THOC6: variants seen among roughly 807,000 people sequenced by gnomAD.
The protein encoded by THOC6 is THO complex 6.
A neutral mutation model predicts 55.8 loss-of-function variants in THOC6; 39 were observed. That is an observed-to-expected ratio of 0.70 (90% CI 0.54 to 0.91). The LOEUF is 0.91. Among genes scored for constraint, THOC6 ranks in the 40% least tolerant of loss-of-function variants. The pLI, the probability that THOC6 is intolerant of heterozygous loss-of-function variation, is 0.00. For missense variants in THOC6, 482 were observed against 442.0 expected (o/e 1.09, Z -0.81); for synonymous variants, 192 against 175.6 (o/e 1.09, Z -0.74).
Position 3,024,372 on chromosome 16 carries a change from C to G in THOC6, c.39+7C>G, listed in dbSNP as rs757114899. The G allele has an allele frequency of 6.2e-7, 1 of 1,614,076 alleles. No homozygotes were observed. The highest frequency in any genetic ancestry group is 8.5e-7 in the Non-Finnish European group (1 of 1,179,980). ...CGCGGTGCCTCTGGGTCAGGTGAGA[C>G]GGACGTGGTGCGCGTTGCCTTCTGG... On this transcript the variant is annotated splice_region_variant and intron_variant, in intron 1 of 12. Transcript: ENST00000326266.
chr16:3,027,272 C>G lies in THOC6; in HGVS notation c.802C>G (p.Gln268Glu), dbSNP rs1175520106. 6.2e-7 allele frequency: 1 copy of G among 1,614,116 alleles called. No homozygotes were observed. The highest frequency in any genetic ancestry group is 1.3e-5 in the African/African-American group (1 of 74,964). The change falls in exon 11 of 13, where the codon CAG becomes GAG. Residue 268 changes from glutamine (Q) to glutamate (E), a missense_variant. Transcript: ENST00000326266. ...RAPQKHVTFYQDLILSAGQGR... is the reference protein window; with the variant it reads ...RAPQKHVTFYEDLILSAGQGR... Reference sequence around the variant, plus strand: ...GCCACAGAAGCACGTCACCTTCTACCAGGACCTGGTGAGGCCCTGTGTCTC... The same window carrying G: ...GCCACAGAAGCACGTCACCTTCTACGAGGACCTGGTGAGGCCCTGTGTCTC...
Position 3,026,882 on chromosome 16 carries a change from AG to A in THOC6, c.604del (p.Glu202ArgfsTer69). ...AVRLWDLRTA[K>X]EVQTIEVYKH... ...TTCCCCGCAGACCTGCGCACAGCCAAGGAGGTCCAGACGATCGAGGTCTATA... is the reference window on the plus strand; with the variant it reads ...TTCCCCGCAGACCTGCGCACAGCCAAGAGGTCCAGACGATCGAGGTCTATA... On this transcript the variant is annotated frameshift_variant, in exon 9 of 13. Coordinates refer to ENST00000326266, the MANE Select transcript of THOC6 (RefSeq NM_024339.5). LOFTEE classifies it high-confidence loss of function. The A allele has an allele frequency of 6.2e-7, 1 of 1,614,186 alleles. No individual in the cohort carries two copies. Among genetic ancestry groups the A allele is most frequent in the South Asian group, 1.1e-5 (1 of 91,084 alleles).
chr16:3,026,923 G>A lies in THOC6; in HGVS notation c.636+7G>A, dbSNP rs1266578907. The A allele has an allele frequency of 6.2e-7, 1 of 1,614,190 alleles. No homozygotes were observed. The highest frequency in any genetic ancestry group is 8.5e-7 in the Non-Finnish European group (1 of 1,180,030). On this transcript the variant is annotated splice_region_variant and intron_variant, in intron 9 of 12. Coordinates refer to ENST00000326266, the MANE Select transcript of THOC6 (RefSeq NM_024339.5). ...CGAGGTCTATAAGCACGAGGTGAGG[G>A]TGTGACCGTGGCCATTGTCCTCTTC...
intron 1 of THOC6, among the ~76,000 whole-genome samples, chr16:3,024,637 CTT>C (rs34833478): frequency 2.4e-5 from 3 of 126,062 alleles, no homozygotes; most frequent in Admixed American, 8.3e-5. Flanking sequence ...TTGCAAAGCA[CTT>C]TTTTTTTTTT....
In THOC6 at chr16:3,027,625, C is replaced by G. The variant is rs373096513; in HGVS notation, c.994C>G (p.Leu332Val). Residue 332 changes from leucine to valine, a missense_variant, in exon 13 of 13, where the codon CTG becomes GTG. Leu to Val is a conservative substitution (Grantham distance 32). Coordinates refer to ENST00000326266, the MANE Select transcript of THOC6 (RefSeq NM_024339.5). ...CTGCCGGGTGGATGTCTTCACCAAC[C>G]TGGGTTACCGAGCCTTCTCCCTGTC... is the stretch of plus-strand genomic sequence containing the variant. The part of the protein sequence containing the change: ...NSCRVDVFTN[L>V]GYRAFSLSF 4.3e-6 allele frequency: 7 copies of G among 1,614,220 alleles called. No homozygotes were observed. In the East Asian group the frequency reaches 1.3e-4, roughly 31 times the overall value.
chr16:3,024,497 G>C, intron 1 of THOC6, 132 bp downstream of exon 1: 2 of 1,137,078 alleles, frequency 1.8e-6, no homozygotes, highest in Non-Finnish European at 1.3e-6. Context: ...TCTGACCAGG[G>C]GGGCGGGATA....
Position 3,025,936 on chromosome 16 carries a change from T to C in THOC6, c.168T>C (p.Ala56=), listed in dbSNP as rs1445221735. The C allele has an allele frequency of 1.2e-6, 2 of 1,614,222 alleles. No homozygotes were observed. The highest frequency in any genetic ancestry group is 4.5e-5 in the East Asian group (2 of 44,894). Residue 56 remains alanine, a synonymous_variant, in exon 3 of 13, where the codon GCT becomes GCC. Coordinates refer to ENST00000326266, the MANE Select transcript of THOC6 (RefSeq NM_024339.5). ...GQIAIFSLSS[A]LSSEAKEESK... ...GCTGTCCCTGCAGCTTGTCCTCTGC[T>C]TTGAGCTCAGAAGCCAAAGAGGAAA... is the stretch of plus-strand genomic sequence containing the variant.
intron 3 of THOC6, 21 bp from the exon 4 acceptor site, chr16:3,026,042 C>G: frequency 4.3e-6 from 7 of 1,614,008 alleles, no homozygotes; most frequent in Non-Finnish European, 5.9e-6. Context: ...TTGGCTCACT[C>G]AGTTCTGCAT....
chr16:3,027,214 C>T lies in THOC6; in HGVS notation c.744C>T (p.Ser248=). The change falls in exon 11 of 13, where the codon TCC becomes TCT. Residue 248 remains serine (S), a synonymous_variant. Coordinates refer to ENST00000326266, the MANE Select transcript of THOC6 (RefSeq NM_024339.5). ...CCCTCACCCTCTGGCACCTCCGATCCTCCACACCCACCACCATCTTCCCCA... is the reference window on the plus strand; with the variant it reads ...CCCTCACCCTCTGGCACCTCCGATCTTCCACACCCACCACCATCTTCCCCA... The part of the protein sequence containing the change: ...GPALTLWHLR[S]STPTTIFPIR... 1 of 1,614,194 alleles carries T rather than the reference C, an allele frequency of 6.2e-7. No individual in the cohort carries two copies. The highest frequency in any genetic ancestry group is 8.5e-7 in the Non-Finnish European group (1 of 1,180,038).
In THOC6 at chr16:3,027,462, C is replaced by G; in HGVS notation, c.907C>G (p.Leu303Val). The change falls in exon 12 of 13, where the codon CTC becomes GTC. Residue 303 changes from leucine to valine, a missense_variant. Transcript: ENST00000326266. ...VPGSSPGLLSLSLNQQPAAPE... is the reference protein window; with the variant it reads ...VPGSSPGLLSVSLNQQPAAPE... Reference sequence around the variant, plus strand: ...TGGCTCCTCCCCAGGGCTGCTCAGCCTCAGCCTCAACCAGCAGCCTGCCGC... The same window carrying G: ...TGGCTCCTCCCCAGGGCTGCTCAGCGTCAGCCTCAACCAGCAGCCTGCCGC... The G allele has an allele frequency of 6.2e-7, 1 of 1,610,890 alleles. No homozygotes were observed. The highest frequency in any genetic ancestry group is 8.5e-7 in the Non-Finnish European group (1 of 1,178,620).
chr16:3,026,230 C>G lies in THOC6; in HGVS notation c.325-21C>G, dbSNP rs1165803707. 2.5e-6 allele frequency: 4 copies of G among 1,614,104 alleles called. No homozygotes were observed. The East Asian group carries it at 8.9e-5, about 36-fold the overall frequency. On this transcript the variant is annotated intron_variant, in intron 4 of 12. Coordinates refer to ENST00000326266, the MANE Select transcript of THOC6 (RefSeq NM_024339.5). ...ACCCAGAGAGAGCCTTTGAGGTCAC[C>G]TGGTATTTTCTCTTTTGAAGGGCTG... is the stretch of plus-strand genomic sequence containing the variant.
chr16:3,027,609 G>A lies in THOC6; in HGVS notation c.978G>A (p.Val326=), dbSNP rs1443892590. The change falls in exon 13 of 13, where the codon GTG becomes GTA. Residue 326 remains valine, a synonymous_variant. Transcript: ENST00000326266. ...CAGCTGCAGGCAACAGCTGCCGGGT[G>A]GATGTCTTCACCAACCTGGGTTACC... ...VLTAAGNSCR[V]DVFTNLGYRA... The A allele has an allele frequency of 6.2e-7, 1 of 1,614,156 alleles. No individual in the cohort carries two copies. The highest frequency in any genetic ancestry group is 1.1e-5 in the South Asian group (1 of 91,088).
rs1009988160 is a variant in THOC6 at position 3,024,330 on chromosome 16, G to T, written c.4G>T (p.Glu2Ter). The T allele has an allele frequency of 2.5e-6, 4 of 1,614,138 alleles. No homozygotes were observed. The highest frequency in any genetic ancestry group is 3.4e-6 in the Non-Finnish European group (4 of 1,180,006). The part of the protein sequence containing the change: M[E>*]RAVPLAVPLG... ...TCTGGGACTTGTAGTTCTGGAGATG[G>T]AGCGAGCTGTGCCGCTCGCGGTGCC... Residue 2 changes from glutamate (E) to a stop codon, truncating the protein, a stop_gained, in exon 1 of 13, where the codon GAG becomes TAG. Coordinates refer to ENST00000326266, the MANE Select transcript of THOC6 (RefSeq NM_024339.5). LOFTEE classifies it high-confidence loss of function.
At position 3,027,508 on chromosome 16, in the gene THOC6, C is replaced by T. The variant is rs769875471; in HGVS notation, c.945+8C>T. On this transcript the variant is annotated splice_region_variant and intron_variant, in intron 12 of 12. Transcript: ENST00000326266. The stretch of plus-strand genomic sequence containing the variant: ...GCCGCGCCTGAGTGCAAGGTGGGTC[C>T]GGCAGGGGCCGCGGAGCGGCTGGGA... The T allele has an allele frequency of 1.9e-5, 30 of 1,611,248 alleles. No homozygotes were observed. Among genetic ancestry groups the T allele is most frequent in the Admixed American group, 1.8e-4 (11 of 59,796 alleles).
At position 3,027,661 on chromosome 16, in the gene THOC6, C is replaced by G. The variant is rs2072836358; in HGVS notation, c.*4C>G. 6.2e-7 allele frequency: 1 copy of G among 1,613,814 alleles called. No homozygotes were observed. The highest frequency in any genetic ancestry group is 2.2e-5 in the East Asian group (1 of 44,888). Reference sequence around the variant, plus strand: ...AGCCTTCTCCCTGTCCTTCTGATCTCTGACGACACCCCCAGCCAGCTCAGG... The same window carrying G: ...AGCCTTCTCCCTGTCCTTCTGATCTGTGACGACACCCCCAGCCAGCTCAGG... On this transcript the variant is annotated 3_prime_UTR_variant, in exon 13 of 13. Transcript: ENST00000326266.
At chr16:3,026,838 G>T (rs1280303684) in intron 8 of THOC6, 29 bp from the exon 9 acceptor site, 1 of 1,614,016 alleles carries the variant, frequency 6.2e-7, no homozygotes, top group Non-Finnish European at 8.5e-7. Flanking sequence ...GAGGCAAGTG[G>T]GGCACCACTC....
chr16:3,026,945 C>T, intron 9 of THOC6, 29 bp downstream of exon 9: 1 of 1,614,192 alleles, frequency 6.2e-7, no homozygotes. Context: ...CCATTGTCCT[C>T]TTCTCCCCCA....
rs553787974 is a variant in THOC6 at position 3,024,058 on chromosome 16, C to G, written c.-269C>G. ...GCACAGCCGCGAGGTTCTGCGCGGG[C>G]GCGGAAGACGGGCGGCGCGTGGCGG... is the stretch of plus-strand genomic sequence containing the variant. On this transcript the variant is annotated 5_prime_UTR_variant, in exon 1 of 13. Coordinates refer to ENST00000326266, the MANE Select transcript of THOC6 (RefSeq NM_024339.5). 4 of 884,854 alleles carry G rather than the reference C, an allele frequency of 4.5e-6. No individual in the cohort carries two copies. The highest frequency in any genetic ancestry group is 5.1e-6 in the Non-Finnish European group (3 of 591,332). 54.8% of individuals were successfully genotyped at this position (884,854 alleles called of 1,614,324 possible).
rs56382043 is a variant in THOC6 at position 3,027,709 on chromosome 16, CTTT to C, written c.*67_*69del. On this transcript the variant is annotated 3_prime_UTR_variant, in exon 13 of 13. Coordinates refer to ENST00000326266, the MANE Select transcript of THOC6 (RefSeq NM_024339.5). ...AGGGTTTTAGAGTGTTTTTCATTTT[CTTT>C]TTTTTTTTTTTTTTACAATAAAGTT... 0.054 allele frequency: 70,947 copies of C among 1,314,938 alleles called. 7 individuals carry two copies. The highest frequency in any genetic ancestry group is 0.081 in the Admixed American group (3,107 of 38,552). The allele number at this position is 1,314,938 out of a possible 1,614,324, so 81.5% of individuals were successfully genotyped here. A position where few individuals can be genotyped will look rare whatever the true frequency, so the allele number is the denominator to read the frequency against.
Sources: allele counts gnomAD v4.1 joint callset (sites outside exome capture counted in the v4.1 genomes callset), GRCh38; gene constraint gnomAD v4.1.1; transcripts MANE v1.5; gene names NCBI Gene and HGNC (gene_info 2026-07-23, HGNC 2026-07-21).